The following PPP1R12B variants were observed in gnomAD, a reference collection of about 807,000 sequenced individuals.
The protein encoded by PPP1R12B is myosin phosphatase target subunit 2.
PPP1R12B carries 76 observed loss-of-function variants against 126.1 expected under a neutral mutation model. The observed-to-expected ratio is 0.60, with a 90% CI of 0.50 to 0.73. PPP1R12B has a LOEUF of 0.73. PPP1R12B is among the 30% of genes least tolerant of loss of function. The probability of loss-of-function intolerance (pLI) is 0.00; values close to 1 mark genes in which losing one functional copy is unlikely to be tolerated. For synonymous variants in PPP1R12B, 356 were observed against 434.7 expected, an observed-to-expected ratio of 0.82 and a Z score of 2.25; for missense variants, 1,052 against 1,205.1, an observed-to-expected ratio of 0.87 and a Z score of 1.88.
intron 5 of PPP1R12B, among the ~76,000 whole-genome samples, chr1:202,428,055 A>C (rs1307636377): frequency 7.2e-6 from 1 of 138,292 alleles, no homozygotes; most frequent in Non-Finnish European, 1.6e-5. Flanking sequence ...AGTGATTCCC[A>C]GCCTTGCCAC....
At chr1:202,453,488 G>T (rs185174947) in intron 13 of PPP1R12B, among the ~76,000 whole-genome samples, 1 of 151,976 alleles carries the variant, frequency 6.6e-6, no homozygotes, top group Admixed American at 6.6e-5. Context: ...TTCCTTTTCT[G>T]TTTTTCAGAA....
intron 19 of PPP1R12B, among the ~76,000 whole-genome samples, chr1:202,561,973 C>A (rs1168447865): frequency 6.6e-6 from 1 of 152,176 alleles, no homozygotes; most frequent in African/African-American, 2.4e-5. Context: ...CTCTGCAGGG[C>A]TGATTTCAGT....
chr1:202,504,324 C>T (rs570977769), intron 18 of PPP1R12B, among the ~76,000 whole-genome samples: 22 of 152,102 alleles, frequency 1.4e-4, no homozygotes, highest in South Asian at 1.2e-3. Flanking sequence ...ACCCGGGAGG[C>T]GGAGGTGGCA....
chr1:202,452,419 G>A (rs1448885136), intron 13 of PPP1R12B, among the ~76,000 whole-genome samples: 1 of 152,226 alleles, frequency 6.6e-6, no homozygotes, highest in Admixed American at 6.5e-5. Context: ...GCGTGGCGGC[G>A]TGCGCCTGCA....
chr1:202,533,589 G>T (rs1260526399), intron 18 of PPP1R12B, among the ~76,000 whole-genome samples: 1 of 152,180 alleles, frequency 6.6e-6, no homozygotes, highest in Non-Finnish European at 1.5e-5. Context: ...AAAGTGCTGA[G>T]ATTACGGGCA....
chr1:202,507,487 G>A (rs1680943464), intron 18 of PPP1R12B, among the ~76,000 whole-genome samples: 2 of 152,138 alleles, frequency 1.3e-5, no homozygotes, highest in South Asian at 4.1e-4. Flanking sequence ...AGCTATGAAA[G>A]CTAAGAAAAA....
At chr1:202,536,660 G>A (rs1311739955) in intron 18 of PPP1R12B, among the ~76,000 whole-genome samples, 2 of 151,838 alleles carry the variant, frequency 1.3e-5, no homozygotes, top group Admixed American at 6.6e-5. Flanking sequence ...TACTTTATAC[G>A]TTTTTAAAAT....
chr1:202,496,898 G>C, intron 18 of PPP1R12B, 76 bp downstream of exon 18: 2 of 1,419,950 alleles, frequency 1.4e-6, no homozygotes, highest in South Asian at 2.5e-5. Flanking sequence ...TAGAAGAAAG[G>C]GCAAGACTTA....
At position 202,441,080 on chromosome 1, in the gene PPP1R12B, C is replaced by T. The variant is rs145079896; in HGVS notation, c.1541+292C>T. 3.5e-3 allele frequency among the ~76,000 whole-genome samples: 531 copies of T among 152,290 alleles called. 3 individuals carry two copies. Among genetic ancestry groups the T allele is most frequent in the Non-Finnish European group, 5.5e-3 (377 of 68,026 alleles). The stretch of plus-strand genomic sequence containing the variant: ...CCAGCAGGCTCTGTAAAGGTAGGGT[C>T]TGAGTCTGTCTGGTTTCTTAAGGAC... On this transcript the variant is annotated intron_variant, in intron 11 of 23. Transcript: ENST00000608999.
intron 18 of PPP1R12B, among the ~76,000 whole-genome samples, chr1:202,541,194 G>A (rs1372344523): frequency 1.3e-5 from 2 of 151,566 alleles, no homozygotes; most frequent in Non-Finnish European, 2.9e-5. Flanking sequence ...GCTATGGGGA[G>A]AAAATTTGCA....
chr1:202,355,665 C>T (rs1656942725), intron 1 of PPP1R12B, among the ~76,000 whole-genome samples: 2 of 152,064 alleles, frequency 1.3e-5, no homozygotes, highest in East Asian at 3.9e-4. Context: ...GGTCGTTACC[C>T]AACCAAAGCA....
chr1:202,468,081 T>G (rs1361426655), intron 13 of PPP1R12B, among the ~76,000 whole-genome samples: 1 of 152,254 alleles, frequency 6.6e-6, no homozygotes, highest in East Asian at 1.9e-4. Context: ...GTTTGTTTTT[T>G]TCTTGTAAAT....
chr1:202,356,552 T>G (rs1226833860), intron 1 of PPP1R12B, among the ~76,000 whole-genome samples: 3 of 152,154 alleles, frequency 2.0e-5, no homozygotes, highest in African/African-American at 7.2e-5. Flanking sequence ...GATCTTGAGA[T>G]AAGGAGATTA....
At chr1:202,420,428 G>A (rs775223222) in intron 2 of PPP1R12B, among the ~76,000 whole-genome samples, 5 of 152,214 alleles carry the variant, frequency 3.3e-5, no homozygotes, top group Non-Finnish European at 5.9e-5. Context: ...AAAATAGAAG[G>A]GAGAGTGTTC....
At chr1:202,527,916 C>A (rs1683520017) in intron 18 of PPP1R12B, among the ~76,000 whole-genome samples, 1 of 152,210 alleles carries the variant, frequency 6.6e-6, no homozygotes, top group South Asian at 2.1e-4. Context: ...AGTCTGAATA[C>A]TTCCCACAAA....
At chr1:202,544,427 T>A (rs1685448055) in intron 18 of PPP1R12B, among the ~76,000 whole-genome samples, 1 of 152,164 alleles carries the variant, frequency 6.6e-6, no homozygotes, top group Admixed American at 6.5e-5. Context: ...TATTCTCAAA[T>A]TTTTCTTATT....
At chr1:202,361,168 C>T (rs1006231964) in intron 1 of PPP1R12B, among the ~76,000 whole-genome samples, 2 of 152,202 alleles carry the variant, frequency 1.3e-5, no homozygotes, top group South Asian at 2.1e-4. Context: ...GTTGGGATTA[C>T]AGTTGTGAGC....
intron 1 of PPP1R12B, among the ~76,000 whole-genome samples, chr1:202,409,710 C>G (rs924425441): frequency 6.6e-5 from 10 of 152,192 alleles, no homozygotes; most frequent in Admixed American, 5.9e-4. Flanking sequence ...GTTGCCCACG[C>G]TTGAGGGCAG....
intron 22 of PPP1R12B, 124 bp downstream of exon 22, chr1:202,567,955 A>C: frequency 1.8e-6 from 2 of 1,138,468 alleles, no homozygotes; most frequent in Non-Finnish European, 2.5e-6. Context: ...GCCACATTCC[A>C]TTCCCAGCTT....
Sources: allele counts gnomAD v4.1 joint callset (sites outside exome capture counted in the v4.1 genomes callset), GRCh38; gene constraint gnomAD v4.1.1; transcripts MANE v1.5; gene names NCBI Gene and HGNC (gene_info 2026-07-23, HGNC 2026-07-21).